EDIL3: variants seen among roughly 807,000 people sequenced by gnomAD.
EDIL3 encodes the protein EGF-like repeat and discoidin I-like domain-containing protein 3.
Under a neutral mutation model 67.4 loss-of-function variants are expected in EDIL3, and 37 were observed. The ratio of observed to expected loss-of-function variants is 0.55; its 90% CI spans 0.42 to 0.72. EDIL3 has a LOEUF of 0.72. Ranked by LOEUF, EDIL3 falls within the 30% of genes least tolerant of loss-of-function variation. The pLI, the probability that EDIL3 is intolerant of heterozygous loss-of-function variation, is 0.00. For synonymous variants in EDIL3, 195 were observed against 196.3 expected (o/e 0.99, Z 0.05); for missense variants, 527 against 586.3 (o/e 0.90, Z 1.04).
intron 1 of EDIL3, among the ~76,000 whole-genome samples, chr5:84,306,717 G>A (rs1428697454): frequency 2.0e-5 from 3 of 152,154 alleles, no homozygotes; most frequent in African/African-American, 7.2e-5. Flanking sequence ...AAAACTTTTA[G>A]AGTTGTAAAG....
At chr5:84,233,824 C>T (rs989949322) in intron 2 of EDIL3, among the ~76,000 whole-genome samples, 5 of 152,110 alleles carry the variant, frequency 3.3e-5, no homozygotes, top group Non-Finnish European at 7.4e-5. Flanking sequence ...AGGCTTGTGG[C>T]CCCAGAAGTC....
At chr5:84,336,248 G>A (rs1039938168) in intron 1 of EDIL3, among the ~76,000 whole-genome samples, 10 of 152,278 alleles carry the variant, frequency 6.6e-5, no homozygotes, top group South Asian at 2.1e-4. Flanking sequence ...AAAGACCTGC[G>A]TGTATTCAAG....
chr5:84,223,898 GAAC>G (rs968322966), intron 3 of EDIL3, among the ~76,000 whole-genome samples: 136 of 150,914 alleles, frequency 9.0e-4, no homozygotes, highest in African/African-American at 3.1e-3. Context: ...ATACAAAAAA[GAAC>G]AAAATATTTT....
intron 9 of EDIL3, among the ~76,000 whole-genome samples, chr5:84,034,185 C>T (rs1025126364): frequency 6.6e-6 from 1 of 152,156 alleles, no homozygotes; most frequent in African/African-American, 2.4e-5. Flanking sequence ...ATTAGAAGAG[C>T]CACACATTGC....
chr5:84,342,207 T>C (rs1466040586), intron 1 of EDIL3, among the ~76,000 whole-genome samples: 1 of 152,076 alleles, frequency 6.6e-6, no homozygotes, highest in African/African-American at 2.4e-5. Context: ...CTTTTGCAGA[T>C]ACATGAGTGG....
chr5:84,332,296 C>CG, intron 1 of EDIL3, among the ~76,000 whole-genome samples: 1 of 152,146 alleles, frequency 6.6e-6, no homozygotes, highest in African/African-American at 2.4e-5. Flanking sequence ...CACTTGAGCG[C>CG]GGGGGTTGGA....
intron 4 of EDIL3, among the ~76,000 whole-genome samples, chr5:84,175,653 C>T (rs948705140): frequency 1.3e-5 from 2 of 152,086 alleles, no homozygotes; most frequent in African/African-American, 2.4e-5. Context: ...CATTAAATGC[C>T]GAATGACGCT....
At chr5:84,297,156 T>C (rs1409325330) in intron 1 of EDIL3, among the ~76,000 whole-genome samples, 1 of 121,362 alleles carries the variant, frequency 8.2e-6, no homozygotes, top group Non-Finnish European at 1.6e-5. Flanking sequence ...CACTCCAGCC[T>C]GGGCGACAGA....
intron 1 of EDIL3, among the ~76,000 whole-genome samples, chr5:84,266,205 T>C (rs1745341715): frequency 6.6e-6 from 1 of 152,198 alleles, no homozygotes; most frequent in East Asian, 1.9e-4. Context: ...ATTGCCTCTA[T>C]TCTATCAATA....
At chr5:84,322,321 T>C (rs886404333) in intron 1 of EDIL3, among the ~76,000 whole-genome samples, 6 of 151,866 alleles carry the variant, frequency 4.0e-5, no homozygotes, top group African/African-American at 9.7e-5. Context: ...CTTTAAGATA[T>C]GGAGTCAAGA....
intron 3 of EDIL3, among the ~76,000 whole-genome samples, chr5:84,194,703 T>C (rs573546630): frequency 6.6e-6 from 1 of 152,092 alleles, no homozygotes; most frequent in South Asian, 2.1e-4. Context: ...ATTTCTACTT[T>C]TCCAGCATTA....
At chr5:83,965,027 C>T (rs1744666024) in intron 9 of EDIL3, among the ~76,000 whole-genome samples, 1 of 151,926 alleles carries the variant, frequency 6.6e-6, no homozygotes. Context: ...AGAGATGTAA[C>T]ATAATATGGT....
At chr5:84,082,210 A>G (rs1746983483) in intron 6 of EDIL3, among the ~76,000 whole-genome samples, 3 of 152,188 alleles carry the variant, frequency 2.0e-5, no homozygotes, top group Admixed American at 2.0e-4. Flanking sequence ...ACACCTTTCC[A>G]TGTGTGGAAA....
At chr5:84,080,595 A>T (rs937350613) in intron 6 of EDIL3, among the ~76,000 whole-genome samples, 3 of 144,406 alleles carry the variant, frequency 2.1e-5, no homozygotes, top group African/African-American at 7.8e-5. Context: ...AATTAAACAC[A>T]ATTGATAAAA....
chr5:84,216,714 A>G (rs1196584649), intron 3 of EDIL3, among the ~76,000 whole-genome samples: 1 of 152,258 alleles, frequency 6.6e-6, no homozygotes, highest in Non-Finnish European at 1.5e-5. Flanking sequence ...CTGAATAAAA[A>G]AATCATAATC....
intron 1 of EDIL3, among the ~76,000 whole-genome samples, chr5:84,324,090 C>CCAACAG (rs1746700545): frequency 6.6e-6 from 1 of 151,728 alleles, no homozygotes; most frequent in Admixed American, 6.6e-5. Flanking sequence ...AACATTCTAC[C>CCAACAG]CAACAGCAAC....
At chr5:84,008,579 G>A (rs1189410363) in intron 9 of EDIL3, among the ~76,000 whole-genome samples, 2 of 152,054 alleles carry the variant, frequency 1.3e-5, no homozygotes, top group Non-Finnish European at 2.9e-5. Flanking sequence ...TACCAGAAAG[G>A]ATTAGCCAGA....
chr5:84,349,099 A>G (rs990261617), intron 1 of EDIL3, among the ~76,000 whole-genome samples: 1 of 152,148 alleles, frequency 6.6e-6, no homozygotes, highest in Non-Finnish European at 1.5e-5. Flanking sequence ...ATTCCTTTTA[A>G]GAGCTGAATA....
intron 9 of EDIL3, among the ~76,000 whole-genome samples, chr5:83,995,181 C>CACACA (rs1203637370): frequency 6.6e-6 from 1 of 151,676 alleles, no homozygotes; most frequent in Non-Finnish European, 1.5e-5. Flanking sequence ...CACACACACA[C>CACACA]ATTTTATTCT....
Sources: gnomAD v4.1 joint callset for allele counts (sites outside exome capture counted in the v4.1 genomes callset) on GRCh38, gnomAD v4.1.1 for gene constraint, MANE v1.5 for transcripts, NCBI Gene and HGNC (gene_info 2026-07-23, HGNC 2026-07-21) for gene names.